The following TMEM150C variants were observed in gnomAD, a reference collection of about 807,000 sequenced individuals.
TMEM150C encodes tentonin 3.
In TMEM150C, 10 loss-of-function variants were observed where a neutral mutation model predicts 29.9. The observed-to-expected ratio is 0.33, with a 90% confidence interval of 0.21 to 0.57. TMEM150C has a LOEUF of 0.57. Among genes scored for constraint, TMEM150C ranks in the 20% least tolerant of loss-of-function variants. The pLI, the probability that TMEM150C is intolerant of heterozygous loss-of-function variation, is 0.88. For missense variants in TMEM150C, 251 were observed against 303.6 expected (o/e 0.83, Z 1.29); for synonymous variants, 101 against 112.5 (o/e 0.90, Z 0.64).
chr4:82,508,504 C>T lies in TMEM150C; in HGVS notation c.-10-3837G>A, dbSNP rs150600414. Among the ~76,000 whole-genome samples the T allele has an allele frequency of 9.8e-3, 1,478 of 151,204 alleles. 15 individuals are homozygous for T. Among genetic ancestry groups the T allele is most frequent in the Non-Finnish European group, 0.014 (961 of 67,872 alleles). Reference sequence around the variant, plus strand: ...TTTTTGAGATGGGGTCTCACTCTGTCGCCCAGGCTGGAATGTAGGGGTGCA... The same window carrying T: ...TTTTTGAGATGGGGTCTCACTCTGTTGCCCAGGCTGGAATGTAGGGGTGCA... On this transcript the variant is annotated intron_variant, in intron 1 of 7. Coordinates refer to ENST00000449862, the MANE Select transcript of TMEM150C (RefSeq NM_001080506.3).
intron 1 of TMEM150C, among the ~76,000 whole-genome samples, chr4:82,528,116 C>T (rs1351047528): frequency 2.0e-5 from 3 of 152,102 alleles, no homozygotes; most frequent in East Asian, 1.9e-4. Context: ...AGAATAAATG[C>T]TATATAATTG....
At chr4:82,540,129 T>C (rs1393710526) in intron 1 of TMEM150C, among the ~76,000 whole-genome samples, 900 of 88,070 alleles carry the variant, frequency 0.01, 49 homozygotes, top group African/African-American at 0.046. Context: ...TTTTTTTTTT[T>C]TTTTTTTTTT....
intron 1 of TMEM150C, among the ~76,000 whole-genome samples, chr4:82,532,096 GAGAGCTACAGTAAAAC>G (rs1724865868): frequency 6.6e-6 from 1 of 152,216 alleles, no homozygotes; most frequent in South Asian, 2.1e-4. Context: ...TGTTTTTTGA[GAGAGCTACAGTAAAAC>G]AGCACATTAG....
intron 1 of TMEM150C, among the ~76,000 whole-genome samples, chr4:82,513,267 T>C (rs1724188589): frequency 6.6e-6 from 1 of 152,160 alleles, no homozygotes. Flanking sequence ...TTGCTGGTCT[T>C]CAGCCTCCAC....
intron 1 of TMEM150C, among the ~76,000 whole-genome samples, chr4:82,532,188 T>A (rs916635950): frequency 6.6e-6 from 1 of 152,248 alleles, no homozygotes; most frequent in African/African-American, 2.4e-5. Context: ...CAAGATAACA[T>A]GTTTGCTTAT....
intron 1 of TMEM150C, among the ~76,000 whole-genome samples, chr4:82,523,829 C>A (rs147389256): frequency 1.3e-5 from 2 of 151,764 alleles, no homozygotes; most frequent in Non-Finnish European, 2.9e-5. Flanking sequence ...AGGCGCCTGC[C>A]GCCACACCTG....
rs1346307517 is a variant in TMEM150C at position 82,485,286 on chromosome 4, G to A, written c.*225C>T. On this transcript the variant is annotated 3_prime_UTR_variant, in exon 8 of 8. Transcript: ENST00000449862. ...TCATGCACAAGCTTCTTGCTCTGTC[G>A]TGCATATATTTTCAGTGTAACAGCG... 7.6e-6 allele frequency: 4 copies of A among 527,530 alleles called. No individual in the cohort carries two copies. Among genetic ancestry groups the A allele is most frequent in the Admixed American group, 3.2e-5 (1 of 31,484 alleles). 32.7% of individuals were successfully genotyped at this position (527,530 alleles called of 1,614,324 possible). A position where few individuals can be genotyped will look rare whatever the true frequency, so the allele number is the denominator to read the frequency against.
At chr4:82,512,095 C>T (rs888590503) in intron 1 of TMEM150C, among the ~76,000 whole-genome samples, 6 of 152,108 alleles carry the variant, frequency 3.9e-5, no homozygotes, top group Non-Finnish European at 8.8e-5. Flanking sequence ...TTGAACCTGG[C>T]CCATGAGATG....
intron 1 of TMEM150C, among the ~76,000 whole-genome samples, chr4:82,504,887 G>A (rs373487259): frequency 4.6e-5 from 7 of 152,026 alleles, no homozygotes; most frequent in South Asian, 4.2e-4. Context: ...AACAATAGCC[G>A]GGCGTGGTGG....
At chr4:82,517,458 C>T (rs766371707) in intron 1 of TMEM150C, among the ~76,000 whole-genome samples, 1 of 152,172 alleles carries the variant, frequency 6.6e-6, no homozygotes, top group Non-Finnish European at 1.5e-5. Flanking sequence ...GTAAAGAAAA[C>T]TCACCCTTAC....
chr4:82,488,052 A>G (rs1723218494), intron 7 of TMEM150C, among the ~76,000 whole-genome samples: 1 of 152,168 alleles, frequency 6.6e-6, no homozygotes, highest in African/African-American at 2.4e-5. Context: ...AGCAGTGTAT[A>G]GTGCACCCAA....
At chr4:82,520,456 G>C (rs1724446831) in intron 1 of TMEM150C, among the ~76,000 whole-genome samples, 1 of 152,118 alleles carries the variant, frequency 6.6e-6, no homozygotes, top group Non-Finnish European at 1.5e-5. Flanking sequence ...GATCGTCTTA[G>C]ACACCTCAAT....
At chr4:82,491,644 G>A in intron 6 of TMEM150C, 1 of 553,872 alleles carries the variant, frequency 1.8e-6, no homozygotes, top group Non-Finnish European at 3.2e-6. Flanking sequence ...ACCTTTGGCA[G>A]CAGGAGGAGA....
At chr4:82,489,062 A>AT (rs576894576) in intron 7 of TMEM150C, among the ~76,000 whole-genome samples, 13,752 of 126,068 alleles carry the variant, frequency 0.11, 1,208 homozygotes, top group Admixed American at 0.22. Flanking sequence ...GGATTTTTAG[A>AT]TTTTTTTTTT....
intron 1 of TMEM150C, among the ~76,000 whole-genome samples, chr4:82,559,719 C>T (rs1203304593): frequency 6.6e-6 from 1 of 152,136 alleles, no homozygotes; most frequent in Non-Finnish European, 1.5e-5. Context: ...CTAATCACAC[C>T]GTAGTGCTGA....
intron 1 of TMEM150C, among the ~76,000 whole-genome samples, chr4:82,542,021 C>T (rs1000274159): frequency 1.3e-5 from 2 of 152,088 alleles, no homozygotes; most frequent in South Asian, 2.1e-4. Flanking sequence ...TTTTTACTTA[C>T]ACGTACAAAA....
chr4:82,485,940 A>G (rs1303892760), intron 7 of TMEM150C, among the ~76,000 whole-genome samples: 1 of 152,230 alleles, frequency 6.6e-6, no homozygotes, highest in Non-Finnish European at 1.5e-5. Flanking sequence ...TTTCATGGAT[A>G]GTATCACTTA....
intron 1 of TMEM150C, among the ~76,000 whole-genome samples, chr4:82,559,247 G>A (rs938724186): frequency 3.9e-5 from 6 of 151,978 alleles, no homozygotes; most frequent in East Asian, 1.9e-4. Flanking sequence ...CTCTTCACAC[G>A]GACCCATGTG....
chr4:82,562,088 C>G, upstream of TMEM150C: 4 of 1,201,670 alleles, frequency 3.3e-6, no homozygotes, highest in Non-Finnish European at 4.2e-6. Flanking sequence ...GGGGTCCCCG[C>G]TGCTAGGCCT....
Sources: allele counts gnomAD v4.1 joint callset (sites outside exome capture counted in the v4.1 genomes callset), GRCh38; gene constraint gnomAD v4.1.1; transcripts MANE v1.5; gene names NCBI Gene and HGNC (gene_info 2026-07-23, HGNC 2026-07-21).